Variants in CHRNE observed in about 807,000 individuals in gnomAD.
CHRNE encodes the protein cholinergic receptor nicotinic epsilon subunit, also known as acetylcholine receptor subunit epsilon.
A neutral mutation model predicts 56.5 loss-of-function variants in CHRNE; 58 were observed. That is an observed-to-expected ratio of 1.03 (90% CI 0.83 to 1.28). The LOEUF is 1.28. Among genes scored for constraint, CHRNE ranks in the 50% most tolerant of loss-of-function variants. CHRNE has a pLI of 0.00. For synonymous variants in CHRNE, 385 were observed against 297.9 expected, an observed-to-expected ratio of 1.29 and a Z score of -3.01; for missense variants, 793 against 688.9, an observed-to-expected ratio of 1.15 and a Z score of -1.69.
chr17:4,900,353 G>A (rs1969940342), intron 8 of CHRNE: 2 of 1,547,908 alleles, frequency 1.3e-6, no homozygotes, highest in South Asian at 1.2e-5. Flanking sequence ...CCGCAGGGCA[G>A]GGGGTTCGGC....
At position 4,898,443 on chromosome 17, in the gene CHRNE, G is replaced by A. The variant is rs1160764565; in HGVS notation, c.*293C>T. 9 of 497,118 alleles carry A rather than the reference G, an allele frequency of 1.8e-5. No homozygotes were observed. Among genetic ancestry groups the A allele is most frequent in the Admixed American group, 9.8e-5 (3 of 30,576 alleles). The allele number at this position is 497,118 out of a possible 1,614,324, so 30.8% of individuals were successfully genotyped here. A position where few individuals can be genotyped will look rare whatever the true frequency, so the allele number is the denominator to read the frequency against. On this transcript the variant is annotated 3_prime_UTR_variant, in exon 12 of 12. Coordinates refer to ENST00000649488, the MANE Select transcript of CHRNE (RefSeq NM_000080.4). ...ACAAGCTGGCAGCCACCAGAGTCCC[G>A]TGGGGCTGAGCCTTAGAAAGGCTGG...
rs1282925982 is a variant in CHRNE at position 4,900,846 on chromosome 17, G to A, written c.864C>T (p.Phe288=). 6.2e-7 allele frequency: 1 copy of A among 1,614,202 alleles called. No individual in the cohort carries two copies. The highest frequency in any genetic ancestry group is 8.5e-7 in the Non-Finnish European group (1 of 1,180,008). The change falls in exon 8 of 12, where the codon TTC becomes TTT. Residue 288 remains phenylalanine (F), a synonymous_variant. Coordinates refer to ENST00000649488, the MANE Select transcript of CHRNE (RefSeq NM_000080.4). Reference sequence around the variant, plus strand: ...TCTCTGGGATTTTCTGGGCAATGAGGAACAAGAAGACGGTCTGGGCGAGCA... The same window carrying A: ...TCTCTGGGATTTTCTGGGCAATGAGAAACAAGAAGACGGTCTGGGCGAGCA... ...NVLLAQTVFL[F]LIAQKIPETS... is the part of the protein sequence containing the mutation.
chr17:4,899,026 G>A lies in CHRNE; in HGVS notation c.1301C>T (p.Thr434Met), dbSNP rs1049573372. 8.7e-6 allele frequency: 14 copies of A among 1,609,032 alleles called. No individual in the cohort carries two copies. The highest frequency in any genetic ancestry group is 4.4e-5 in the South Asian group (4 of 89,992). The change falls in exon 11 of 12, where the codon ACG becomes ATG. Residue 434 changes from threonine (T) to methionine (M), a missense_variant. Transcript: ENST00000649488. Reference protein sequence around the residue: ...VDAVNFVAESTRDQEATGEEV... With the variant: ...VDAVNFVAESMRDQEATGEEV... ...CTCGCCGGTGGCCTCCTGATCTCTC[G>A]TGCTCTCGGCCACGAAGTTCACGGC...
At chr17:4,907,688 A>AAGCACCAC (rs1970109102), upstream of CHRNE, among the ~76,000 whole-genome samples, 1 of 152,112 alleles carries the variant, frequency 6.6e-6, no homozygotes, top group African/African-American at 2.4e-5. Flanking sequence ...TCCTCAACTT[A>AAGCACCAC]AGCACCACAA....
chr17:4,901,153 C>G lies in CHRNE; in HGVS notation c.639G>C (p.Val213=). 6.2e-7 allele frequency: 1 copy of G among 1,609,950 alleles called. No homozygotes were observed. Among genetic ancestry groups the G allele is most frequent in the South Asian group, 1.1e-5 (1 of 91,080 alleles). The change falls in exon 7 of 12, where the codon GTG becomes GTC. Residue 213 remains valine, a synonymous_variant. Transcript: ENST00000649488. ...TGGCGCCACCGTGGTGGCGGCGGAT[C>G]ACCCCCGGGCAGAAGTCGATGGCCC... The part of the protein sequence containing the change: ...GEWAIDFCPG[V]IRRHHGGATD...
intron 8 of CHRNE, 178 bp from the exon 9 acceptor site, chr17:4,899,760 G>A: frequency 6.4e-7 from 1 of 1,551,146 alleles, no homozygotes; most frequent in South Asian, 1.2e-5. Flanking sequence ...ACTTGTGGCG[G>A]CCATGAAGGG....
Position 4,898,043 on chromosome 17 carries a change from A to G in CHRNE, c.*693T>C, listed in dbSNP as rs1969767407. The G allele has an allele frequency of 6.7e-6, 1 of 149,190 alleles. No homozygotes were observed. Among genetic ancestry groups the G allele is most frequent in the Non-Finnish European group, 1.5e-5 (1 of 67,428 alleles). The allele number at this position is 149,190 out of a possible 1,614,324, so 9.2% of individuals were successfully genotyped here. A position where few individuals can be genotyped will look rare whatever the true frequency, so the allele number is the denominator to read the frequency against. ...GATATCCTGTTTGTTAATAAAGACAATTCAACCAGCTCCCACCATGCAGGC... is the reference window on the plus strand; with the variant it reads ...GATATCCTGTTTGTTAATAAAGACAGTTCAACCAGCTCCCACCATGCAGGC... On this transcript the variant is annotated 3_prime_UTR_variant, in exon 12 of 12. Transcript: ENST00000649488.
chr17:4,899,159 ACCCCGCGCGGCC>A (rs774001347), intron 10 of CHRNE, 27 bp downstream of exon 10: 8 of 1,592,270 alleles, frequency 5.0e-6, no homozygotes, highest in African/African-American at 2.7e-5. Flanking sequence ...CCTGGCAGGC[ACCCCGCGCGGCC>A]CCCCGGGCCA....
Position 4,899,104 on chromosome 17 carries a change from G to C in CHRNE, c.1223C>G (p.Ala408Gly), listed in dbSNP as rs778624148. ...QRHRQGTWTA[A>G]FCQSLGAAAP... ...GGCGGCGCCCAGGCTCTGGCAGAAG[G>C]CAGCTGGCGGGGAAAACACCGGGGT... Residue 408 changes from alanine (A) to glycine (G), a missense_variant, in exon 11 of 12, where the codon GCC becomes GGC. Transcript: ENST00000649488. 1.1e-5 allele frequency: 18 copies of C among 1,608,710 alleles called. No individual in the cohort carries two copies. The highest frequency in any genetic ancestry group is 1.4e-5 in the Non-Finnish European group (17 of 1,178,770).
At position 4,898,583 on chromosome 17, in the gene CHRNE, C is replaced by T. The variant is rs1271570017; in HGVS notation, c.*153G>A. The T allele has an allele frequency of 5.6e-6, 6 of 1,067,728 alleles. No homozygotes were observed. The highest frequency in any genetic ancestry group is 3.1e-5 in the African/African-American group (2 of 63,938). The allele number at this position is 1,067,728 out of a possible 1,614,324, so 66.1% of individuals were successfully genotyped here. Reference sequence around the variant, plus strand: ...CCTGGACTGCGGCCAGGCCTACACACGCCAGGGAACGGGCACACACCATTC... The same window carrying T: ...CCTGGACTGCGGCCAGGCCTACACATGCCAGGGAACGGGCACACACCATTC... On this transcript the variant is annotated 3_prime_UTR_variant, in exon 12 of 12. Transcript: ENST00000649488.
upstream of CHRNE, among the ~76,000 whole-genome samples, chr17:4,906,627 A>G (rs758307766): frequency 1.1e-4 from 16 of 152,156 alleles, no homozygotes; most frequent in Non-Finnish European, 2.1e-4. Flanking sequence ...CTGAGGTAGG[A>G]GAATTGCTTG....
At chr17:4,907,314 T>A (rs1023894177), upstream of CHRNE, among the ~76,000 whole-genome samples, 2 of 151,600 alleles carry the variant, frequency 1.3e-5, no homozygotes, top group Admixed American at 6.6e-5. Flanking sequence ...CTGTAATCCC[T>A]GCACTTCGGG....
Position 4,901,949 on chromosome 17 carries a change from G to C in CHRNE, c.483C>G (p.Asn161Lys). The C allele has an allele frequency of 6.2e-7, 1 of 1,607,222 alleles. No individual in the cohort carries two copies. Among genetic ancestry groups the C allele is most frequent in the Non-Finnish European group, 8.5e-7 (1 of 1,176,350 alleles). ...EVTYFPFDWQ[N>K]CSLIFRSQTY... The stretch of plus-strand genomic sequence containing the variant: ...CTTCCCACCGGAAAATAAGCGAACA[G>C]TTCTGCCAATCGAAGGGGAAGTAGG... Residue 161 changes from asparagine (N) to lysine (K), a missense_variant, in exon 5 of 12, where the codon AAC becomes AAG. Transcript: ENST00000649488.
chr17:4,902,130 CCT>C lies in CHRNE; in HGVS notation c.345-45_345-44del, dbSNP rs748856169. Reference sequence around the variant, plus strand: ...CCGAGCTTTTTGCACAGGTCTGCACCCTCTCAGAGTACCCCCTTCCCCAACCA... The same window carrying C: ...CCGAGCTTTTTGCACAGGTCTGCACCCTCAGAGTACCCCCTTCCCCAACCA... On this transcript the variant is annotated intron_variant, in intron 4 of 11. Coordinates refer to ENST00000649488, the MANE Select transcript of CHRNE (RefSeq NM_000080.4). The surrounding 1 kb of genome is among the most constrained non-coding windows in gnomAD (Gnocchi z 4.0). 1 of 1,613,840 alleles carries C rather than the reference CCT, an allele frequency of 6.2e-7. No homozygotes were observed. The highest frequency in any genetic ancestry group is 1.3e-5 in the African/African-American group (1 of 74,908).
chr17:4,898,776 C>T lies in CHRNE; in HGVS notation c.1442G>A (p.Arg481Gln), dbSNP rs528584911. The change falls in exon 12 of 12, where the codon CGA becomes CAA. Residue 481 changes from arginine to glutamine, a missense_variant. Physicochemically the swap from Arg to Gln is conservative, Grantham distance 43. Coordinates refer to ENST00000649488, the MANE Select transcript of CHRNE (RefSeq NM_000080.4). Reference sequence around the variant, plus strand: ...CGGCGCGTAGGGGAGATCAGGCACTCGGTTGAAGTAGGCCCCGAGGAAGAT... The same window carrying T: ...CGGCGCGTAGGGGAGATCAGGCACTTGGTTGAAGTAGGCCCCGAGGAAGAT... ...SLIFLGAYFN[R>Q]VPDLPYAPCI... The T allele has an allele frequency of 1.2e-6, 2 of 1,610,148 alleles. No homozygotes were observed. The highest frequency in any genetic ancestry group is 2.2e-5 in the South Asian group (2 of 90,092).
Position 4,899,052 on chromosome 17 carries a change from A to C in CHRNE, c.1275T>G (p.Asp425Glu), listed in dbSNP as rs777560468. ...TGCTCTCGGCCACGAAGTTCACGGC[A>C]TCCACACAGCAGCGGACCTCGGGGG... ...AAAPEVRCCV[D>E]AVNFVAESTR... The change falls in exon 11 of 12, where the codon GAT becomes GAG. Residue 425 changes from aspartate to glutamate, a missense_variant. Coordinates refer to ENST00000649488, the MANE Select transcript of CHRNE (RefSeq NM_000080.4). The C allele has an allele frequency of 3.7e-6, 6 of 1,611,766 alleles. No homozygotes were observed. Among genetic ancestry groups the C allele is most frequent in the Non-Finnish European group, 5.1e-6 (6 of 1,179,646 alleles).
Position 4,899,076 on chromosome 17 carries a change from G to A in CHRNE, c.1251C>T (p.Ala417=), listed in dbSNP as rs2151094028. The A allele has an allele frequency of 6.2e-7, 1 of 1,610,568 alleles. No homozygotes were observed. ...AAFCQSLGAA[A]PEVRCCVDAV... is the part of the protein sequence containing the mutation. Reference sequence around the variant, plus strand: ...CATCCACACAGCAGCGGACCTCGGGGGCGGCGGCGCCCAGGCTCTGGCAGA... The same window carrying A: ...CATCCACACAGCAGCGGACCTCGGGAGCGGCGGCGCCCAGGCTCTGGCAGA... Residue 417 remains alanine, a synonymous_variant, in exon 11 of 12, where the codon GCC becomes GCT. Coordinates refer to ENST00000649488, the MANE Select transcript of CHRNE (RefSeq NM_000080.4).
upstream of CHRNE, among the ~76,000 whole-genome samples, chr17:4,904,550 CT>C (rs1448548374): frequency 6.6e-6 from 1 of 152,174 alleles, no homozygotes; most frequent in Non-Finnish European, 1.5e-5. Flanking sequence ...AGCATATTTT[CT>C]GCTTACATCT....
upstream of CHRNE, among the ~76,000 whole-genome samples, chr17:4,906,815 G>A (rs1463831917): frequency 6.6e-6 from 1 of 152,054 alleles, no homozygotes; most frequent in Non-Finnish European, 1.5e-5. Context: ...ACAGATGAAT[G>A]GATAAAGCAA....
Sources: gnomAD v4.1 joint callset for allele counts (sites outside exome capture counted in the v4.1 genomes callset) on GRCh38, gnomAD v4.1.1 for gene constraint, Gnocchi (gnomAD v3.1) non-coding constraint, MANE v1.5 for transcripts, NCBI Gene and HGNC (gene_info 2026-07-23, HGNC 2026-07-21) for gene names.